Variants in SHROOM4 observed in about 807,000 individuals in gnomAD.
SHROOM4 encodes the protein protein Shroom4.
In SHROOM4, 17 loss-of-function variants were observed where a neutral mutation model predicts 80.3. That is an observed-to-expected ratio of 0.21 (90% CI 0.14 to 0.32). The LOEUF is 0.32. Ranked by LOEUF, SHROOM4 falls within the 10% of genes least tolerant of loss-of-function variation. The pLI is 1.00. For missense variants in SHROOM4, 993 were observed against 1,140.3 expected, an observed-to-expected ratio of 0.87 and a Z score of 1.86; for synonymous variants, 400 against 437.5, an observed-to-expected ratio of 0.91 and a Z score of 1.07.
intron 8 of SHROOM4, among the ~76,000 whole-genome samples, chrX:50,597,590 C>A (rs1929173377): frequency 9.0e-6 from 1 of 111,546 alleles, no homozygotes; most frequent in African/African-American, 3.3e-5. Flanking sequence ...GCTACTACTA[C>A]TACTGGGAGC....
chrX:50,651,588 GT>G (rs1932063534), intron 2 of SHROOM4, among the ~76,000 whole-genome samples: 1 of 111,696 alleles, frequency 9.0e-6, no homozygotes, highest in African/African-American at 3.3e-5. Context: ...ATGAATTTTG[GT>G]TTTGTTTTTA....
At chrX:50,685,346 G>A (rs1205015516) in intron 2 of SHROOM4, among the ~76,000 whole-genome samples, 4 of 111,501 alleles carry the variant, frequency 3.6e-5, no homozygotes, top group Non-Finnish European at 7.5e-5. Flanking sequence ...GGTTGGGTAA[G>A]GGTTAATGTA....
At chrX:50,805,318 G>A (rs1936206025) in intron 1 of SHROOM4, among the ~76,000 whole-genome samples, 1 of 111,395 alleles carries the variant, frequency 9.0e-6, no homozygotes, top group Non-Finnish European at 1.9e-5. Context: ...AGGCAGTATA[G>A]GAGAACCATT....
intron 2 of SHROOM4, among the ~76,000 whole-genome samples, chrX:50,646,409 G>T (rs2147329279): frequency 9.1e-6 from 1 of 110,013 alleles, no homozygotes; most frequent in East Asian, 2.9e-4. Flanking sequence ...AAGCTGCCTG[G>T]TCACCATGGA....
intron 1 of SHROOM4, among the ~76,000 whole-genome samples, chrX:50,713,436 G>C (rs1933870262): frequency 9.1e-6 from 1 of 110,077 alleles, no homozygotes; most frequent in Admixed American, 9.6e-5. Flanking sequence ...TTTGAGACCA[G>C]CCTGGGCAAC....
intron 2 of SHROOM4, among the ~76,000 whole-genome samples, chrX:50,657,406 T>C (rs1006646432): frequency 6.3e-5 from 7 of 111,202 alleles, no homozygotes; most frequent in African/African-American, 2.3e-4. Context: ...TATAGCCTTA[T>C]TGTGTTGAGG....
chrX:50,701,626 A>C (rs782760792), intron 1 of SHROOM4, among the ~76,000 whole-genome samples: 1 of 112,143 alleles, frequency 8.9e-6, no homozygotes, highest in Non-Finnish European at 1.9e-5. Context: ...AAAATTTAAA[A>C]ATCAAGCTTT....
chrX:50,736,081 A>G (rs1368203309), intron 1 of SHROOM4, among the ~76,000 whole-genome samples: 2 of 110,040 alleles, frequency 1.8e-5, no homozygotes, highest in Non-Finnish European at 3.8e-5. Context: ...CAAAACCACA[A>G]TGAGATACCA....
rs782160245 is a variant in SHROOM4, at chrX:50,739,286, C to G, written c.118-43349G>C. ...ATAGGCATGGGCAAGGACTCCATGTCTAAAACACCAAAAGCAATGGCAACA... is the reference window on the plus strand; with the variant it reads ...ATAGGCATGGGCAAGGACTCCATGTGTAAAACACCAAAAGCAATGGCAACA... On this transcript the variant is annotated intron_variant, in intron 1 of 8. Coordinates refer to ENST00000376020, the MANE Select transcript of SHROOM4 (RefSeq NM_020717.5). Among the ~76,000 whole-genome samples the G allele has an allele frequency of 4.8e-3, 541 of 111,603 alleles. 4 individuals carry two copies. The highest frequency in any genetic ancestry group is 0.017 in the African/African-American group (514 of 30,707).
chrX:50,746,639 C>T (rs1456342895), intron 1 of SHROOM4, among the ~76,000 whole-genome samples: 1 of 111,806 alleles, frequency 8.9e-6, no homozygotes, highest in Non-Finnish European at 1.9e-5. Context: ...AGGATTCTTC[C>T]CTTACAGTGG....
chrX:50,701,948 G>A (rs1486551266), intron 1 of SHROOM4, among the ~76,000 whole-genome samples: 12 of 111,367 alleles, frequency 1.1e-4, no homozygotes, highest in African/African-American at 3.9e-4. Flanking sequence ...GAAAAGACAA[G>A]CCACAGACTG....
At chrX:50,651,911 C>T (rs1021886881) in intron 2 of SHROOM4, among the ~76,000 whole-genome samples, 5 of 111,689 alleles carry the variant, frequency 4.5e-5, no homozygotes, top group Non-Finnish European at 9.4e-5. Flanking sequence ...AGGACATGAA[C>T]TCATCCATTT....
chrX:50,684,953 T>C (rs1557262111), intron 2 of SHROOM4, among the ~76,000 whole-genome samples: 1 of 112,085 alleles, frequency 8.9e-6, no homozygotes, highest in African/African-American at 3.2e-5. Context: ...CAGTTGGAGC[T>C]TTTTTGAGAA....
intron 4 of SHROOM4, 68 bp downstream of exon 4, chrX:50,633,110 T>A: frequency 1.0e-6 from 1 of 969,591 alleles, no homozygotes; most frequent in South Asian, 2.1e-5. Flanking sequence ...TATTTTTAAA[T>A]AATTTACGTA....
chrX:50,651,189 G>A (rs1305595072), intron 2 of SHROOM4, among the ~76,000 whole-genome samples: 1 of 112,018 alleles, frequency 8.9e-6, no homozygotes, highest in Admixed American at 9.5e-5. Flanking sequence ...GCTAGAGAGG[G>A]AACAAAAGTA....
intron 2 of SHROOM4, among the ~76,000 whole-genome samples, chrX:50,654,840 G>A (rs951738875): frequency 5.6e-5 from 6 of 107,806 alleles, no homozygotes; most frequent in African/African-American, 2.0e-4. Flanking sequence ...TGTTACATGG[G>A]TATATTGTGT....
intron 1 of SHROOM4, among the ~76,000 whole-genome samples, chrX:50,811,400 G>C (rs1936326941): frequency 2.7e-5 from 3 of 110,298 alleles, no homozygotes; most frequent in South Asian, 8.0e-4. Flanking sequence ...GGGATGCCTA[G>C]ACCCAGGTAG....
chrX:50,651,724 C>A (rs782512107), intron 2 of SHROOM4, among the ~76,000 whole-genome samples: 3 of 110,762 alleles, frequency 2.7e-5, no homozygotes, highest in Admixed American at 9.6e-5. Flanking sequence ...TAATGCTATC[C>A]CTCCCCTAGC....
intron 1 of SHROOM4, among the ~76,000 whole-genome samples, chrX:50,739,485 GA>G (rs1249730451): frequency 1.8e-5 from 2 of 110,857 alleles, no homozygotes; most frequent in Non-Finnish European, 3.8e-5. Context: ...AAATTTACAA[GA>G]AAAAAGCAAA....
Sources: allele counts gnomAD v4.1 joint callset (sites outside exome capture counted in the v4.1 genomes callset), GRCh38; gene constraint gnomAD v4.1.1; transcripts MANE v1.5; gene names NCBI Gene and HGNC (gene_info 2026-07-23, HGNC 2026-07-21).